Variants in HDHD2 observed in about 807,000 individuals in gnomAD.
HDHD2 encodes the protein haloacid dehalogenase-like hydrolase domain-containing protein 2.
A neutral mutation model predicts 24.8 loss-of-function variants in HDHD2; 26 were observed. The ratio of observed to expected loss-of-function variants is 1.05; its 90% CI spans 0.77 to 1.45. HDHD2 has a LOEUF of 1.45. HDHD2 is among the 40% of genes most tolerant of loss of function. The probability of loss-of-function intolerance (pLI) is 0.00; values close to 1 mark genes in which losing one functional copy is unlikely to be tolerated. For missense variants in HDHD2, 299 were observed against 313.4 expected, an observed-to-expected ratio of 0.95 and a Z score of 0.35; for synonymous variants, 128 against 114.9, an observed-to-expected ratio of 1.11 and a Z score of -0.73.
rs746142065 is a variant in HDHD2, at chr18:47,130,338, G to GA, written c.311-11dup. 10,676 of 1,375,316 alleles carry GA rather than the reference G, an allele frequency of 7.8e-3. 1 individual carries two copies. The highest frequency in any genetic ancestry group is 8.7e-3 in the South Asian group (617 of 70,544). 85.2% of individuals were successfully genotyped at this position (1,375,316 alleles called of 1,614,324 possible). A position where few individuals can be genotyped will look rare whatever the true frequency, so the allele number is the denominator to read the frequency against. On this transcript the variant is annotated splice_polypyrimidine_tract_variant and intron_variant, in intron 3 of 6. Coordinates refer to ENST00000300605, the MANE Select transcript of HDHD2 (RefSeq NM_032124.5). ...TCACTTGTTTGTATTCCTGGGAACG[G>GA]AAAAAAAAAATGATTGTTGCAAATG...
intron 2 of HDHD2, 24 bp downstream of exon 2, chr18:47,136,314 CA>C: frequency 6.2e-7 from 1 of 1,612,946 alleles, no homozygotes; most frequent in Admixed American, 1.7e-5. Context: ...ACATATTTGT[CA>C]GCTGAACCTG....
intron 2 of HDHD2, 51 bp from the exon 3 acceptor site, chr18:47,134,755 C>T (rs1397732861): frequency 2.1e-6 from 3 of 1,414,418 alleles, no homozygotes; most frequent in Non-Finnish European, 9.9e-7. Context: ...CATTCTGGCC[C>T]TATAAAATCT....
intron 2 of HDHD2, among the ~76,000 whole-genome samples, chr18:47,135,163 C>T (rs866597244): frequency 1.3e-5 from 2 of 152,180 alleles, no homozygotes; most frequent in Middle Eastern, 3.4e-3. Context: ...TTCTTGATTC[C>T]CCAAATGAAA....
At chr18:47,134,428 C>A in intron 3 of HDHD2, 68 bp downstream of exon 3, 2 of 1,055,300 alleles carry the variant, frequency 1.9e-6, no homozygotes, top group Admixed American at 2.0e-5. Flanking sequence ...CTCTAAACAT[C>A]CAGTTTTAAA....
chr18:47,134,528 A>G lies in HDHD2; in HGVS notation c.278T>C (p.Leu93Pro). 1 of 1,614,176 alleles carries G rather than the reference A, an allele frequency of 6.2e-7. No homozygotes were observed. The highest frequency in any genetic ancestry group is 8.5e-7 in the Non-Finnish European group (1 of 1,180,000). ...LERKQVRPML[L>P]VDDRALPDFK... ...ATCAGGTAGTGCCCGATCATCAACT[A>G]GCAGCATGGGTCTGACTTGTTTCCG... The change falls in exon 3 of 7, where the codon CTA becomes CCA. Residue 93 changes from leucine to proline, a missense_variant. Physicochemically the swap from Leu to Pro is moderately conservative, Grantham distance 98. Coordinates refer to ENST00000300605, the MANE Select transcript of HDHD2 (RefSeq NM_032124.5).
At position 47,107,897 on chromosome 18, in the gene HDHD2, ACTGTTC is replaced by A. The variant is rs2063487004; in HGVS notation, c.*779_*784del. The A allele has an allele frequency of 6.5e-6, 1 of 152,676 alleles. No individual in the cohort carries two copies. Among genetic ancestry groups the A allele is most frequent in the African/African-American group, 2.4e-5 (1 of 41,466 alleles). The allele number at this position is 152,676 out of a possible 1,614,324, so 9.5% of individuals were successfully genotyped here. A position where few individuals can be genotyped will look rare whatever the true frequency, so the allele number is the denominator to read the frequency against. On this transcript the variant is annotated 3_prime_UTR_variant, in exon 7 of 7. Transcript: ENST00000300605. ...TATAAGGCTTGATTCTAGTTTCTGC[ACTGTTC>A]CTGTTAATAACAATGTCTAATTAAA...
intron 1 of HDHD2, among the ~76,000 whole-genome samples, chr18:47,142,453 A>C (rs1462601277): frequency 2.0e-5 from 3 of 151,994 alleles, no homozygotes; most frequent in Non-Finnish European, 4.4e-5. Context: ...TGGCAAAAAA[A>C]CCCCAAAAAA....
intron 4 of HDHD2, among the ~76,000 whole-genome samples, chr18:47,119,239 G>A (rs2571007): frequency 0.65 from 98,775 of 151,956 alleles, 32,701 homozygotes; most frequent in African/African-American, 0.79. Flanking sequence ...TGCTGCATCA[G>A]TTTAATCTTC....
chr18:47,108,669 T>C lies in HDHD2; in HGVS notation c.*13A>G, dbSNP rs150653197. 6,835 of 1,411,950 alleles carry C rather than the reference T, an allele frequency of 4.8e-3. 85 individuals carry two copies. Among genetic ancestry groups the C allele is most frequent in the Middle Eastern group, 0.031 (172 of 5,630 alleles). The allele number at this position is 1,411,950 out of a possible 1,614,324, so 87.5% of individuals were successfully genotyped here. A position where few individuals can be genotyped will look rare whatever the true frequency, so the allele number is the denominator to read the frequency against. ...AAGCTGCATTTCAAGTTGCTTCAGATGCACACACTGCTTCACAATAGGTGC... is the reference window on the plus strand; with the variant it reads ...AAGCTGCATTTCAAGTTGCTTCAGACGCACACACTGCTTCACAATAGGTGC... On this transcript the variant is annotated 3_prime_UTR_variant, in exon 7 of 7. Coordinates refer to ENST00000300605, the MANE Select transcript of HDHD2 (RefSeq NM_032124.5).
At chr18:47,118,901 T>C (rs2063579357) in intron 4 of HDHD2, among the ~76,000 whole-genome samples, 1 of 147,952 alleles carries the variant, frequency 6.8e-6, no homozygotes, top group Admixed American at 6.7e-5. Context: ...TTCTTCCAAA[T>C]ACAGGGATAT....
intron 1 of HDHD2, among the ~76,000 whole-genome samples, chr18:47,137,851 G>A (rs1480585128): frequency 6.6e-6 from 1 of 151,538 alleles, no homozygotes; most frequent in Non-Finnish European, 1.5e-5. Flanking sequence ...CAAGCATCTT[G>A]GTGTTTAAAT....
chr18:47,128,090 C>T (rs1030119901), intron 4 of HDHD2, among the ~76,000 whole-genome samples: 7 of 152,190 alleles, frequency 4.6e-5, no homozygotes, highest in African/African-American at 1.7e-4. Context: ...GTTAACTCTC[C>T]ATCCAGCTGT....
intron 5 of HDHD2, 61 bp from the exon 6 acceptor site, chr18:47,113,101 T>C: frequency 7.4e-7 from 1 of 1,359,846 alleles, no homozygotes; most frequent in South Asian, 1.2e-5. Context: ...CAACAAACAT[T>C]ACCAACTGAT....
chr18:47,143,112 A>C (rs776063352), intron 1 of HDHD2, among the ~76,000 whole-genome samples: 3 of 152,204 alleles, frequency 2.0e-5, no homozygotes, highest in Non-Finnish European at 4.4e-5. Context: ...AAATTTAATG[A>C]AAAAATTTAG....
At chr18:47,126,122 A>G (rs2063655870) in intron 4 of HDHD2, among the ~76,000 whole-genome samples, 1 of 152,208 alleles carries the variant, frequency 6.6e-6, no homozygotes. Flanking sequence ...TCTCACCTCC[A>G]AAGTAGTATT....
At position 47,135,266 on chromosome 18, in the gene HDHD2, T is replaced by C. The variant is rs558088631; in HGVS notation, c.102-562A>G. Reference sequence around the variant, plus strand: ...GAGTCACTAGATTTTTTCTTTTTTTTTTTTTTTTTTTTGAGACGGAGTTTC... The same window carrying C: ...GAGTCACTAGATTTTTTCTTTTTTTCTTTTTTTTTTTTGAGACGGAGTTTC... On this transcript the variant is annotated intron_variant, in intron 2 of 6. Transcript: ENST00000300605. 7.3e-5 allele frequency among the ~76,000 whole-genome samples: 11 copies of C among 150,042 alleles called. No homozygotes were observed. The South Asian group carries it at 2.3e-3, about 32-fold the overall frequency.
chr18:47,145,929 C>G lies in HDHD2; in HGVS notation c.-11+4449G>C, dbSNP rs546356340. On this transcript the variant is annotated intron_variant, in intron 1 of 6. Transcript: ENST00000300605. ...AAAACTGCATAAGATCTTAACGTAG[C>G]CTTTACAAAAGAGCAAATCTGGCCG... is the stretch of plus-strand genomic sequence containing the variant. Among the ~76,000 whole-genome samples the G allele has an allele frequency of 5.3e-5, 8 of 152,162 alleles. No individual in the cohort carries two copies. The East Asian group carries it at 1.4e-3, about 26-fold the overall frequency.
rs945797126 is a variant in HDHD2 at position 47,110,850 on chromosome 18, T to C, written c.677-2065A>G. The C allele has an allele frequency of 7.1e-6, 7 of 985,032 alleles. No individual in the cohort carries two copies. In the African/African-American group the frequency reaches 1.2e-4, roughly 17 times the overall value. 61.0% of individuals were successfully genotyped at this position (985,032 alleles called of 1,614,324 possible). On this transcript the variant is annotated intron_variant, in intron 6 of 6. Coordinates refer to ENST00000300605, the MANE Select transcript of HDHD2 (RefSeq NM_032124.5). ...GTTTCACATGCTAAACAAATTCTGG[T>C]TAGGACTAGTCAAAAATCTTTAACA...
Position 47,134,602 on chromosome 18 carries a change from A to G in HDHD2, c.204T>C (p.Ser68=), listed in dbSNP as rs373636878. ...ERLRKLEFDI[S]EDEIFTSLTA... Reference sequence around the variant, plus strand: ...TCAGAGATGTGAATATTTCATCTTCAGAGATATCAAATTCCAATTTTCTCA... The same window carrying G: ...TCAGAGATGTGAATATTTCATCTTCGGAGATATCAAATTCCAATTTTCTCA... The change falls in exon 3 of 7, where the codon TCT becomes TCC. Residue 68 remains serine (S), a synonymous_variant. Transcript: ENST00000300605. 5.6e-6 allele frequency: 9 copies of G among 1,613,816 alleles called. No homozygotes were observed. In the African/African-American group the frequency reaches 1.1e-4, roughly 19 times the overall value.
Sources: allele counts gnomAD v4.1 joint callset (sites outside exome capture counted in the v4.1 genomes callset), GRCh38; gene constraint gnomAD v4.1.1; transcripts MANE v1.5; gene names NCBI Gene and HGNC (gene_info 2026-07-23, HGNC 2026-07-21).